The following ADCK2 variants were observed in gnomAD, a reference collection of about 807,000 sequenced individuals.
ADCK2 encodes uncharacterized aarF domain-containing protein kinase 2.
In ADCK2, 37 loss-of-function variants were observed where a neutral mutation model predicts 52.3. The observed-to-expected ratio is 0.71, with a 90% CI of 0.54 to 0.93. The LOEUF (loss-of-function observed/expected upper bound fraction) is 0.93, where lower values mean the gene tolerates loss of function less well. Ranked by LOEUF, ADCK2 falls within the 40% of genes least tolerant of loss-of-function variation. The pLI, the probability that ADCK2 is intolerant of heterozygous loss-of-function variation, is 0.00. For synonymous variants in ADCK2, 321 were observed against 349.2 expected (o/e 0.92, Z 0.90); for missense variants, 695 against 798.7 (o/e 0.87, Z 1.56).
intron 7 of ADCK2, among the ~76,000 whole-genome samples, chr7:140,691,368 G>A (rs1794699919): frequency 1.3e-5 from 2 of 152,252 alleles, no homozygotes; most frequent in African/African-American, 4.8e-5. Context: ...TGTAGAAACA[G>A]CCTACCTCTG....
chr7:140,673,092 G>A lies in ADCK2; in HGVS notation c.-239G>A. ...GGGTCCTGGCTCCTCCCGTTCCGCA[G>A]TTGGTGCCGTCTGACAGCCCCTTCC... is the stretch of plus-strand genomic sequence containing the variant. On this transcript the variant is annotated 5_prime_UTR_variant, in exon 1 of 8. Transcript: ENST00000072869. This position sits in a 1 kb window ranked among gnomAD's most constrained non-coding sequence, Gnocchi z 6.4. 3.8e-6 allele frequency: 1 copy of A among 265,770 alleles called. No individual in the cohort carries two copies. Among genetic ancestry groups the A allele is most frequent in the Non-Finnish European group, 6.9e-6 (1 of 144,062 alleles). The allele number at this position is 265,770 out of a possible 1,614,324, so 16.5% of individuals were successfully genotyped here. A position where few individuals can be genotyped will look rare whatever the true frequency, so the allele number is the denominator to read the frequency against.
At chr7:140,691,137 G>A (rs1794696439) in intron 7 of ADCK2, among the ~76,000 whole-genome samples, 1 of 152,012 alleles carries the variant, frequency 6.6e-6, no homozygotes, top group South Asian at 2.1e-4. Flanking sequence ...TGTTGGCCAG[G>A]CTGATCTCGA....
chr7:140,674,312 G>C lies in ADCK2; in HGVS notation c.933+49G>C. On this transcript the variant is annotated intron_variant, in intron 1 of 7. Coordinates refer to ENST00000072869, the MANE Select transcript of ADCK2 (RefSeq NM_052853.4). The surrounding 1 kb of genome is among the most constrained non-coding windows in gnomAD (Gnocchi z 4.6). The stretch of plus-strand genomic sequence containing the variant: ...CTCACCTACCCACTGAGCTATCCCA[G>C]ATCAGAAACAACCGCCATGCAAATC... 2.0e-6 allele frequency: 3 copies of C among 1,526,466 alleles called. No homozygotes were observed. Among genetic ancestry groups the C allele is most frequent in the Non-Finnish European group, 2.7e-6 (3 of 1,131,790 alleles). The allele number at this position is 1,526,466 out of a possible 1,614,324, so 94.6% of individuals were successfully genotyped here.
chr7:140,682,998 CAAAAAAAAAAAA>C (rs34792260), intron 4 of ADCK2, among the ~76,000 whole-genome samples: 1 of 54,948 alleles, frequency 1.8e-5, no homozygotes, highest in African/African-American at 4.8e-5. Flanking sequence ...GACTCTGTCT[CAAAAAAAAAAAA>C]AAAAAAAAAA....
intron 6 of ADCK2, 55 bp downstream of exon 6, chr7:140,689,780 A>G: frequency 6.5e-7 from 1 of 1,534,272 alleles, no homozygotes. Context: ...GGCCTGGGGC[A>G]GAGCAGATCC....
At chr7:140,681,163 A>C in intron 4 of ADCK2, 26 bp downstream of exon 4, 1 of 1,607,542 alleles carries the variant, frequency 6.2e-7, no homozygotes, top group Non-Finnish European at 8.5e-7. Flanking sequence ...GAGCGGGCTC[A>C]GGCCCAGCAT....
rs1371788189 is a variant in ADCK2, at chr7:140,689,464, C to T, written c.1558-133C>T. 6 of 1,123,314 alleles carry T rather than the reference C, an allele frequency of 5.3e-6. No individual in the cohort carries two copies. The African/African-American group carries it at 6.3e-5, about 12-fold the overall frequency. 69.6% of individuals were successfully genotyped at this position (1,123,314 alleles called of 1,614,324 possible). A position where few individuals can be genotyped will look rare whatever the true frequency, so the allele number is the denominator to read the frequency against. ...ATGGGCAAAGGGAAAAGGTCACAGC[C>T]CGAGGAGGAAGAGCCAAAAGCAAGA... On this transcript the variant is annotated intron_variant, in intron 5 of 7. Coordinates refer to ENST00000072869, the MANE Select transcript of ADCK2 (RefSeq NM_052853.4).
Position 140,673,565 on chromosome 7 carries a change from G to A in ADCK2, c.235G>A (p.Gly79Arg). 6.2e-7 allele frequency: 1 copy of A among 1,601,598 alleles called. No individual in the cohort carries two copies. ...CCGCTGCAGCGGGGCGGCTGGCGCG[G>A]GGCCCGCGGAGAGCCTCCCCCGAGC... ...RVRCSGAAGA[G>R]PAESLPRAGP... The change falls in exon 1 of 8, where the codon GGG (glycine) becomes AGG (arginine). Residue 79 changes from glycine (G) to arginine (R), a missense_variant. Transcript: ENST00000072869. The surrounding 1 kb of genome is among the most constrained non-coding windows in gnomAD (Gnocchi z 6.4).
At chr7:140,686,065 G>A (rs1287133429) in intron 4 of ADCK2, among the ~76,000 whole-genome samples, 3 of 152,166 alleles carry the variant, frequency 2.0e-5, no homozygotes, top group Admixed American at 6.5e-5. Flanking sequence ...TCACTGATGT[G>A]GACAGGTTGA....
chr7:140,674,286 G>A lies in ADCK2; in HGVS notation c.933+23G>A. 1.9e-6 allele frequency: 3 copies of A among 1,587,772 alleles called. No homozygotes were observed. Among genetic ancestry groups the A allele is most frequent in the Non-Finnish European group, 2.6e-6 (3 of 1,164,826 alleles). On this transcript the variant is annotated intron_variant, in intron 1 of 7. Transcript: ENST00000072869. The surrounding 1 kb of genome is among the most constrained non-coding windows in gnomAD (Gnocchi z 4.6). ...AAAGTAAGTGTTGTGAGAGCTCACA[G>A]CTCACCTACCCACTGAGCTATCCCA...
chr7:140,688,562 G>A (rs543236314), intron 5 of ADCK2, among the ~76,000 whole-genome samples: 8 of 152,356 alleles, frequency 5.3e-5, no homozygotes, highest in Non-Finnish European at 7.3e-5. Flanking sequence ...GTGCTGTTTC[G>A]TGTTAGTAGT....
intron 2 of ADCK2, among the ~76,000 whole-genome samples, chr7:140,675,003 G>T (rs1274456997): frequency 6.6e-6 from 1 of 152,168 alleles, no homozygotes; most frequent in African/African-American, 2.4e-5. Flanking sequence ...AGGACTTTGG[G>T]AGGCTCAGGC....
At chr7:140,687,802 C>G (rs1166539780) in intron 5 of ADCK2, among the ~76,000 whole-genome samples, 3 of 149,980 alleles carry the variant, frequency 2.0e-5, no homozygotes, top group African/African-American at 7.3e-5. Flanking sequence ...CACTTGAGCT[C>G]AGGAGTTTGG....
intron 2 of ADCK2, among the ~76,000 whole-genome samples, chr7:140,675,779 A>G (rs1399823222): frequency 6.6e-6 from 1 of 152,244 alleles, no homozygotes; most frequent in East Asian, 1.9e-4. Flanking sequence ...GCAAAGTCAC[A>G]TACTGTGCCT....
chr7:140,689,829 T>C (rs1438791411), intron 6 of ADCK2, 104 bp downstream of exon 6: 9 of 1,288,920 alleles, frequency 7.0e-6, no homozygotes, highest in Non-Finnish European at 9.0e-6. Flanking sequence ...GGTGTGAGTT[T>C]TAAAGCAGAA....
chr7:140,677,186 T>C (rs1794433574), intron 2 of ADCK2, among the ~76,000 whole-genome samples: 1 of 152,144 alleles, frequency 6.6e-6, no homozygotes, highest in South Asian at 2.1e-4. Context: ...GTCAGGTGGA[T>C]CACTTGAGGT....
chr7:140,682,559 C>A (rs1794534198), intron 4 of ADCK2, among the ~76,000 whole-genome samples: 1 of 152,044 alleles, frequency 6.6e-6, no homozygotes, highest in Non-Finnish European at 1.5e-5. Context: ...AATCCAAGGG[C>A]AGATAAGTTC....
In ADCK2 at chr7:140,673,087, C is replaced by T. The variant is rs1389636443; in HGVS notation, c.-244C>T. On this transcript the variant is annotated 5_prime_UTR_variant, in exon 1 of 8. Transcript: ENST00000072869. This position sits in a 1 kb window ranked among gnomAD's most constrained non-coding sequence, Gnocchi z 6.4. The stretch of plus-strand genomic sequence containing the variant: ...CGCGTGGGTCCTGGCTCCTCCCGTT[C>T]CGCAGTTGGTGCCGTCTGACAGCCC... The T allele has an allele frequency of 1.2e-5, 3 of 257,888 alleles. No individual in the cohort carries two copies. The highest frequency in any genetic ancestry group is 2.2e-5 in the Non-Finnish European group (3 of 139,056). 16.0% of individuals were successfully genotyped at this position (257,888 alleles called of 1,614,324 possible).
At position 140,681,862 on chromosome 7, in the gene ADCK2, C is replaced by T. The variant is rs916632483; in HGVS notation, c.1305+725C>T. On this transcript the variant is annotated intron_variant, in intron 4 of 7. Transcript: ENST00000072869. The stretch of plus-strand genomic sequence containing the variant: ...TCTTGAACTCCTGGGATCAAGCGAT[C>T]CTCCCACCTTGGCCTCCCAAAGTGT... 4.6e-5 allele frequency among the ~76,000 whole-genome samples: 7 copies of T among 152,212 alleles called. No individual in the cohort carries two copies. The East Asian group carries it at 1.4e-3, about 29-fold the overall frequency.
Sources: gnomAD v4.1 joint callset for allele counts (sites outside exome capture counted in the v4.1 genomes callset) on GRCh38, gnomAD v4.1.1 for gene constraint, Gnocchi (gnomAD v3.1) non-coding constraint, MANE v1.5 for transcripts, NCBI Gene and HGNC (gene_info 2026-07-23, HGNC 2026-07-21) for gene names.